STON2: variants seen among roughly 807,000 people sequenced by gnomAD.
STON2 encodes the protein stonin-2.
In STON2, 29 loss-of-function variants were observed where a neutral mutation model predicts 65.7. The ratio of observed to expected loss-of-function variants is 0.44; its 90% CI spans 0.33 to 0.60. The LOEUF is 0.60. STON2 is among the 20% of genes least tolerant of loss of function. The probability of loss-of-function intolerance (pLI) is 0.03; values close to 1 mark genes in which losing one functional copy is unlikely to be tolerated. For missense variants in STON2, 1,054 were observed against 1,118.1 expected, an observed-to-expected ratio of 0.94 and a Z score of 0.82; for synonymous variants, 404 against 414.2, an observed-to-expected ratio of 0.98 and a Z score of 0.30.
intron 3 of STON2, among the ~76,000 whole-genome samples, chr14:81,389,091 C>G (rs936836757): frequency 3.9e-5 from 6 of 152,084 alleles, no homozygotes. Flanking sequence ...TGAAGACATC[C>G]GATCAGAAAG....
chr14:81,331,430 G>A (rs1897210207), intron 4 of STON2, among the ~76,000 whole-genome samples: 1 of 152,212 alleles, frequency 6.6e-6, no homozygotes, highest in African/African-American at 2.4e-5. Flanking sequence ...AAAAGGCAGA[G>A]CCAGGACTGG....
At chr14:81,295,307 A>G (rs1025873717) in intron 5 of STON2, among the ~76,000 whole-genome samples, 1 of 152,236 alleles carries the variant, frequency 6.6e-6, no homozygotes, top group African/African-American at 2.4e-5. Flanking sequence ...CCTGGGCTAC[A>G]CAGCAAGACT....
intron 3 of STON2, among the ~76,000 whole-genome samples, chr14:81,382,853 G>A (rs1413742720): frequency 6.6e-6 from 1 of 152,178 alleles, no homozygotes; most frequent in African/African-American, 2.4e-5. Context: ...GAGAAACTAG[G>A]AAGAGTGCAT....
intron 1 of STON2, chr14:81,436,240 C>T (rs1371814459): frequency 6.6e-6 from 1 of 151,542 alleles, no homozygotes; most frequent in Non-Finnish European, 1.5e-5. Flanking sequence ...CGCCCCCGCC[C>T]CCGCCCCCCG....
intron 4 of STON2, among the ~76,000 whole-genome samples, chr14:81,362,026 T>C (rs753444739): frequency 5.3e-5 from 8 of 152,154 alleles, no homozygotes; most frequent in Non-Finnish European, 1.2e-4. Context: ...AAGGGAACCC[T>C]TGTATAATGT....
At position 81,268,224 on chromosome 14, in the gene STON2, A is replaced by C; in HGVS notation, c.*190T>G. 1 of 1,154,922 alleles carries C rather than the reference A, an allele frequency of 8.7e-7. No homozygotes were observed. The highest frequency in any genetic ancestry group is 1.1e-6 in the Non-Finnish European group (1 of 925,988). The allele number at this position is 1,154,922 out of a possible 1,614,324, so 71.5% of individuals were successfully genotyped here. The stretch of plus-strand genomic sequence containing the variant: ...GAATCAAAGAGCCTCTCCAAAAGCC[A>C]CCATTCTCAGGGTTTCCTGGTAAAA... On this transcript the variant is annotated 3_prime_UTR_variant, in exon 8 of 8. Transcript: ENST00000614646.
intron 2 of STON2, among the ~76,000 whole-genome samples, chr14:81,417,356 G>T (rs1428371122): frequency 1.3e-5 from 2 of 151,290 alleles, no homozygotes; most frequent in East Asian, 1.9e-4. Flanking sequence ...AAGAAATGTT[G>T]AATGTTCAGG....
rs1462013404 is a variant in STON2 at position 81,268,059 on chromosome 14, G to A, written c.*355C>T. The A allele has an allele frequency of 6.0e-6, 6 of 994,980 alleles. No homozygotes were observed. The South Asian group carries it at 2.2e-4, about 37-fold the overall frequency. The allele number at this position is 994,980 out of a possible 1,614,324, so 61.6% of individuals were successfully genotyped here. A position where few individuals can be genotyped will look rare whatever the true frequency, so the allele number is the denominator to read the frequency against. The stretch of plus-strand genomic sequence containing the variant: ...AGAAGGCAATCGTGCTAACACTGAT[G>A]TGGGAGGTTCTTTTCCTGACTGTAA... On this transcript the variant is annotated 3_prime_UTR_variant, in exon 8 of 8. Coordinates refer to ENST00000614646, the MANE Select transcript of STON2 (RefSeq NM_001394390.1).
At position 81,267,454 on chromosome 14, in the gene STON2, G is replaced by A. The variant is rs112945198; in HGVS notation, c.*960C>T. On this transcript the variant is annotated 3_prime_UTR_variant, in exon 8 of 8. Coordinates refer to ENST00000614646, the MANE Select transcript of STON2 (RefSeq NM_001394390.1). ...AATTTCCTATAAAGTTGGGTTAAAG[G>A]GACATGCAACTGTCTATTGGTCATG... 13,867 of 985,076 alleles carry A rather than the reference G, an allele frequency of 0.014. 120 individuals are homozygous for A. The highest frequency in any genetic ancestry group is 0.015 in the Non-Finnish European group (12,696 of 829,770). The allele number at this position is 985,076 out of a possible 1,614,324, so 61.0% of individuals were successfully genotyped here.
At chr14:81,350,241 A>T (rs1207265394) in intron 4 of STON2, among the ~76,000 whole-genome samples, 1 of 152,188 alleles carries the variant, frequency 6.6e-6, no homozygotes, top group African/African-American at 2.4e-5. Context: ...TAAAAGTTTG[A>T]GGTCATGGAT....
At chr14:81,271,666 T>C (rs1408031575) in intron 6 of STON2, among the ~76,000 whole-genome samples, 2 of 152,204 alleles carry the variant, frequency 1.3e-5, no homozygotes, top group Non-Finnish European at 2.9e-5. Flanking sequence ...ACTATACTCG[T>C]GATGGCAAAC....
At chr14:81,329,221 C>T (rs756170348) in intron 4 of STON2, among the ~76,000 whole-genome samples, 1 of 151,912 alleles carries the variant, frequency 6.6e-6, no homozygotes, top group Non-Finnish European at 1.5e-5. Flanking sequence ...TTTGGGAGGC[C>T]GAGGCGGGCA....
intron 4 of STON2, among the ~76,000 whole-genome samples, chr14:81,351,265 T>A (rs1007615264): frequency 2.6e-5 from 4 of 151,546 alleles, no homozygotes; most frequent in African/African-American, 7.3e-5. Context: ...ACAAAATTCA[T>A]TGGACACCTC....
chr14:81,432,824 T>G (rs1274146032), intron 1 of STON2, among the ~76,000 whole-genome samples: 1 of 152,364 alleles, frequency 6.6e-6, no homozygotes, highest in South Asian at 2.1e-4. Flanking sequence ...AGAGCCAGCC[T>G]TCAGCAAAAC....
At chr14:81,313,731 G>A (rs1190256827) in intron 5 of STON2, among the ~76,000 whole-genome samples, 3 of 150,370 alleles carry the variant, frequency 2.0e-5, no homozygotes, top group African/African-American at 7.3e-5. Context: ...GGAGGCAGAT[G>A]TTGCAGTGAG....
chr14:81,277,804 G>A lies in STON2; in HGVS notation c.1678C>T (p.Arg560Cys), dbSNP rs200518417. The part of the protein sequence containing the change: ...NGRIHSLRID[R>C]VTYKEKKKYQ... ...TTCTTCTTCTCTTTATAGGTGACAC[G>A]GTCTATCCGCAAGCTGTGGATTCTG... The change falls in exon 6 of 8, where the codon CGT becomes TGT. Residue 560 changes from arginine (R) to cysteine (C), a missense_variant. By Grantham distance (180) the Arg-to-Cys change is radical. Transcript: ENST00000614646. The A allele has an allele frequency of 1.5e-5, 24 of 1,614,080 alleles. No homozygotes were observed. The highest frequency in any genetic ancestry group is 1.5e-4 in the African/African-American group (11 of 75,010).
intron 4 of STON2, among the ~76,000 whole-genome samples, chr14:81,366,576 T>G (rs1175187354): frequency 2.7e-4 from 40 of 149,104 alleles, no homozygotes; most frequent in Middle Eastern, 6.9e-3. Flanking sequence ...CGGCAGGGGG[T>G]GGGGGGGCAA....
chr14:81,299,876 GAA>G (rs201844263), intron 5 of STON2, among the ~76,000 whole-genome samples: 42 of 118,622 alleles, frequency 3.5e-4, no homozygotes, highest in African/African-American at 1.4e-3. Context: ...TGTTAAGATG[GAA>G]AAAAAATTTT....
At chr14:81,421,431 T>C (rs1950554947) in intron 2 of STON2, among the ~76,000 whole-genome samples, 1 of 152,150 alleles carries the variant, frequency 6.6e-6, no homozygotes, top group African/African-American at 2.4e-5. Flanking sequence ...GGAAATAACA[T>C]GACCCAATTT....
Sources: gnomAD v4.1 joint callset for allele counts (sites outside exome capture counted in the v4.1 genomes callset) on GRCh38, gnomAD v4.1.1 for gene constraint, MANE v1.5 for transcripts, NCBI Gene and HGNC (gene_info 2026-07-23, HGNC 2026-07-21) for gene names.